The following ATAD3C variants were observed in gnomAD, a reference collection of about 807,000 sequenced individuals.
ATAD3C encodes the protein ATPase family AAA domain-containing protein 3C.
Under a neutral mutation model 46.3 loss-of-function variants are expected in ATAD3C, and 38 were observed. The ratio of observed to expected loss-of-function variants is 0.82; its 90% confidence interval spans 0.63 to 1.08. ATAD3C has a LOEUF of 1.08. Among genes scored for constraint, ATAD3C ranks in the 50% least tolerant of loss-of-function variants. The pLI is 0.00. For missense variants in ATAD3C, 563 were observed against 572.7 expected (o/e 0.98, Z 0.17); for synonymous variants, 220 against 236.4 (o/e 0.93, Z 0.63).
Position 1,467,296 on chromosome 1 carries a change from C to A in ATAD3C, c.1090-1088C>A, listed in dbSNP as rs369639348. Among the ~76,000 whole-genome samples the A allele has an allele frequency of 1.1e-4, 16 of 152,224 alleles. No homozygotes were observed. The South Asian group carries it at 3.1e-3, about 30-fold the overall frequency. On this transcript the variant is annotated intron_variant, in intron 11 of 11. Transcript: ENST00000378785. ...CTCGGGTGGACCCTGAGGGTCCCTG[C>A]ACCTGTTTGCCCTCTCTTGGGTGGG...
chr1:1,460,825 C>T lies in ATAD3C; in HGVS notation c.888C>T (p.Val296=), dbSNP rs1245229004. 6.2e-7 allele frequency: 1 copy of T among 1,613,076 alleles called. No homozygotes were observed. The highest frequency in any genetic ancestry group is 8.5e-7 in the Non-Finnish European group (1 of 1,179,448). Reference sequence around the variant, plus strand: ...TCAATGCCTGCATCGACGTGATGGTCCACTTCGACCTGCCAGGGCAGGAGG... The same window carrying T: ...TCAATGCCTGCATCGACGTGATGGTTCACTTCGACCTGCCAGGGCAGGAGG... ...WAINACIDVM[V]HFDLPGQEER... is the part of the protein sequence containing the mutation. The change falls in exon 10 of 12, where the codon GTC becomes GTT. Residue 296 remains valine, a synonymous_variant. Transcript: ENST00000378785.
intron 8 of ATAD3C, among the ~76,000 whole-genome samples, chr1:1,457,605 A>C (rs1231108869): frequency 4.0e-5 from 6 of 150,284 alleles, no homozygotes; most frequent in Non-Finnish European, 5.9e-5. Context: ...CAAAAAAAAA[A>C]AAAAAAAAAC....
Position 1,462,387 on chromosome 1 carries a change from C to T in ATAD3C, c.981-213C>T, listed in dbSNP as rs1639083028. 13 of 503,892 alleles carry T rather than the reference C, an allele frequency of 2.6e-5. No homozygotes were observed. The highest frequency in any genetic ancestry group is 2.4e-4 in the South Asian group (12 of 49,430). 31.2% of individuals were successfully genotyped at this position (503,892 alleles called of 1,614,324 possible). A position where few individuals can be genotyped will look rare whatever the true frequency, so the allele number is the denominator to read the frequency against. ...ACAGGGCTGGTGTTAGGAAGGGGTG[C>T]GGCCATCTCCAGGCCCCACAGCCGC... On this transcript the variant is annotated intron_variant, in intron 10 of 11. Coordinates refer to ENST00000378785, the MANE Select transcript of ATAD3C (RefSeq NM_001039211.3). This position sits in a 1 kb window ranked among gnomAD's most constrained non-coding sequence, Gnocchi z 4.5.
In ATAD3C at chr1:1,460,784, C is replaced by A. The variant is rs748662000; in HGVS notation, c.847C>A (p.Gln283Lys). Reference sequence around the variant, plus strand: ...GATCCTGGCCAGCTGCCACCCCGAGCAGTTCGACTGGGCCATCAATGCCTG... The same window carrying A: ...GATCCTGGCCAGCTGCCACCCCGAGAAGTTCGACTGGGCCATCAATGCCTG... ...MLILASCHPE[Q>K]FDWAINACID... Residue 283 changes from glutamine (Q) to lysine (K), a missense_variant, in exon 10 of 12, where the codon CAG becomes AAG. This residue lies in a region of ATAD3C where 273 missense variants were observed against 253.5 expected (regional missense o/e 1.08). Transcript: ENST00000378785. 1.2e-6 allele frequency: 2 copies of A among 1,611,562 alleles called. No individual in the cohort carries two copies. The highest frequency in any genetic ancestry group is 1.7e-5 in the Admixed American group (1 of 59,794).
Position 1,467,803 on chromosome 1 carries a change from A to G in ATAD3C, c.1090-581A>G, listed in dbSNP as rs541324858. Among the ~76,000 whole-genome samples, 30 of 152,138 alleles carry G rather than the reference A, an allele frequency of 2.0e-4. 1 individual carries two copies. The highest frequency in any genetic ancestry group is 4.3e-4 in the African/African-American group (18 of 41,522). ...CATTGGGATGGAGAGTGACCTGTCC[A>G]TGGCAGAAGGGCTGGACCTGAGGCT... On this transcript the variant is annotated intron_variant, in intron 11 of 11. Transcript: ENST00000378785.
chr1:1,457,488 C>G (rs980961813), intron 8 of ATAD3C, among the ~76,000 whole-genome samples: 1 of 144,290 alleles, frequency 6.9e-6, no homozygotes, highest in African/African-American at 2.6e-5. Context: ...CCCAGCTACT[C>G]GGGAGGCTGA....
At chr1:1,453,173 G>A (rs954204644) in intron 3 of ATAD3C, among the ~76,000 whole-genome samples, 1 of 152,088 alleles carries the variant, frequency 6.6e-6, no homozygotes, top group Non-Finnish European at 1.5e-5. Context: ...TGTCACCTGA[G>A]GACATGACAG....
rs1460555906 is a variant in ATAD3C, at chr1:1,462,342, G to A, written c.981-258G>A. 3.4e-5 allele frequency: 14 copies of A among 414,720 alleles called. No individual in the cohort carries two copies. Among genetic ancestry groups the A allele is most frequent in the Admixed American group, 2.1e-4 (6 of 27,914 alleles). 25.7% of individuals were successfully genotyped at this position (414,720 alleles called of 1,614,324 possible). A position where few individuals can be genotyped will look rare whatever the true frequency, so the allele number is the denominator to read the frequency against. ...GCCACTGCCAGTTTAACGGCCATGC[G>A]CCCTGTGGGTGCTGAGTGGACAGGG... is the stretch of plus-strand genomic sequence containing the variant. On this transcript the variant is annotated intron_variant, in intron 10 of 11. Coordinates refer to ENST00000378785, the MANE Select transcript of ATAD3C (RefSeq NM_001039211.3). This position sits in a 1 kb window ranked among gnomAD's most constrained non-coding sequence, Gnocchi z 4.5.
chr1:1,455,216 CAAAAAAAAAAAAAAA>C (rs56939451), intron 4 of ATAD3C, among the ~76,000 whole-genome samples: 1 of 49,280 alleles, frequency 2.0e-5, no homozygotes, highest in Non-Finnish European at 5.1e-5. Context: ...GACTCCGTCT[CAAAAAAAAAAAAAAA>C]AAAAAAAAAA....
chr1:1,455,628 C>T, intron 5 of ATAD3C, 109 bp downstream of exon 5: 1 of 1,578,970 alleles, frequency 6.3e-7, no homozygotes, highest in Non-Finnish European at 8.6e-7. Context: ...CTTTTGGGTC[C>T]TGAGATGCGA....
rs538836491 is a variant in ATAD3C, at chr1:1,450,322, C to CAAA, written c.-345_-343dup. 1.5e-4 allele frequency: 16 copies of CAAA among 109,496 alleles called. No individual in the cohort carries two copies. The highest frequency in any genetic ancestry group is 3.3e-4 in the South Asian group (2 of 6,136). 6.8% of individuals were successfully genotyped at this position (109,496 alleles called of 1,614,324 possible). A position where few individuals can be genotyped will look rare whatever the true frequency, so the allele number is the denominator to read the frequency against. On this transcript the variant is annotated 5_prime_UTR_variant, in exon 1 of 12. Transcript: ENST00000378785. ...CCTGGGCCAGAATGAGACTCCGTCT[C>CAAA]AAAAAAAAAAAAAAAAAAAGCATGT... is the stretch of plus-strand genomic sequence containing the variant.
intron 9 of ATAD3C, among the ~76,000 whole-genome samples, chr1:1,460,148 C>T (rs1639031943): frequency 6.6e-6 from 1 of 150,850 alleles, no homozygotes; most frequent in African/African-American, 2.4e-5. Flanking sequence ...TCTTGGCTCA[C>T]TGCAACCTCC....
chr1:1,454,450 A>G lies in ATAD3C; in HGVS notation c.328A>G (p.Arg110Gly), dbSNP rs766320536. 7.5e-6 allele frequency: 12 copies of G among 1,609,634 alleles called. No homozygotes were observed. The East Asian group carries it at 2.5e-4, about 33-fold the overall frequency. ...TCGGCTGGGGAAGCCGTCCCTAGTG[A>G]GGGAGACGTCCCGCATCACGGTGCT... is the stretch of plus-strand genomic sequence containing the variant. ...EARLGKPSLV[R>G]ETSRITVLEA... The change falls in exon 4 of 12, where the codon AGG (arginine) becomes GGG (glycine). Residue 110 changes from arginine to glycine, a missense_variant. Transcript: ENST00000378785.
At position 1,468,596 on chromosome 1, in the gene ATAD3C, C is replaced by T. The variant is rs776664929; in HGVS notation, c.*66C>T. On this transcript the variant is annotated 3_prime_UTR_variant, in exon 12 of 12. Coordinates refer to ENST00000378785, the MANE Select transcript of ATAD3C (RefSeq NM_001039211.3). ...CCCCTCCCACCCCTGCCTTTGCGGC[C>T]CCGCACATTTAGGAAATACTCCCCG... The T allele has an allele frequency of 6.3e-7, 1 of 1,585,906 alleles. No individual in the cohort carries two copies. Among genetic ancestry groups the T allele is most frequent in the Non-Finnish European group, 8.6e-7 (1 of 1,163,774 alleles).
intron 1 of ATAD3C, among the ~76,000 whole-genome samples, chr1:1,451,167 A>T (rs1215453452): frequency 6.6e-6 from 1 of 150,916 alleles, no homozygotes; most frequent in East Asian, 1.9e-4. Flanking sequence ...CAGCCTCCTG[A>T]GGAGCTGGGA....
chr1:1,463,353 G>A lies in ATAD3C; in HGVS notation c.1089+645G>A, dbSNP rs141757182. Among the ~76,000 whole-genome samples the A allele has an allele frequency of 4.6e-5, 7 of 152,236 alleles. No individual in the cohort carries two copies. In the East Asian group the frequency reaches 7.7e-4, roughly 17 times the overall value. Reference sequence around the variant, plus strand: ...GGCACCCTGGCCATGCACAGGCATCGCTGCCTCTGGGGTCCACAGAGTCTG... The same window carrying A: ...GGCACCCTGGCCATGCACAGGCATCACTGCCTCTGGGGTCCACAGAGTCTG... On this transcript the variant is annotated intron_variant, in intron 11 of 11. Transcript: ENST00000378785.
intron 1 of ATAD3C, 66 bp from the exon 2 acceptor site, chr1:1,451,980 C>G (rs1319485383): frequency 1.3e-6 from 2 of 1,593,520 alleles, no homozygotes; most frequent in African/African-American, 2.7e-5. Context: ...GACGCAACCT[C>G]TGGATTGGTG....
At position 1,462,636 on chromosome 1, in the gene ATAD3C, G is replaced by A; in HGVS notation, c.1017G>A (p.Lys339=). 6.2e-7 allele frequency: 1 copy of A among 1,606,042 alleles called. No individual in the cohort carries two copies. The highest frequency in any genetic ancestry group is 8.5e-7 in the Non-Finnish European group (1 of 1,176,766). ...TGGCCCAGTTTGACTACGGGAGGAAGTGCTTAGAGATCGCTCGGCTGACAG... is the reference window on the plus strand; with the variant it reads ...TGGCCCAGTTTGACTACGGGAGGAAATGCTTAGAGATCGCTCGGCTGACAG... ...LKLAQFDYGR[K]CLEIARLTEG... The change falls in exon 11 of 12, where the codon AAG becomes AAA. Residue 339 remains lysine, a synonymous_variant. Transcript: ENST00000378785. The surrounding 1 kb of genome is among the most constrained non-coding windows in gnomAD (Gnocchi z 4.5).
intron 1 of ATAD3C, 123 bp from the exon 2 acceptor site, chr1:1,451,923 A>T: frequency 6.9e-7 from 1 of 1,458,684 alleles, no homozygotes; most frequent in Non-Finnish European, 9.2e-7. Flanking sequence ...CGGCGTCTGC[A>T]GGTCCCCAGG....
Sources: allele counts gnomAD v4.1 joint callset (sites outside exome capture counted in the v4.1 genomes callset), GRCh38; gene constraint gnomAD v4.1.1; regional missense constraint gnomAD v4.1.1; non-coding constraint Gnocchi (gnomAD v3.1); transcripts MANE v1.5; gene names NCBI Gene and HGNC (gene_info 2026-07-23, HGNC 2026-07-21).